Variants in ZBTB24 observed in about 807,000 individuals in gnomAD.
The protein encoded by ZBTB24 is zinc finger and BTB domain-containing protein 24.
In ZBTB24, 32 loss-of-function variants were observed where a neutral mutation model predicts 53.8. The ratio of observed to expected loss-of-function variants is 0.60; its 90% confidence interval spans 0.45 to 0.80. The LOEUF is 0.80. ZBTB24 is among the 30% of genes least tolerant of loss of function. ZBTB24 has a pLI of 0.00. For synonymous variants in ZBTB24, 297 were observed against 306.7 expected, an observed-to-expected ratio of 0.97 and a Z score of 0.33; for missense variants, 722 against 837.1, an observed-to-expected ratio of 0.86 and a Z score of 1.70.
intron 5 of ZBTB24, among the ~76,000 whole-genome samples, chr6:109,472,092 A>G (rs1176684803): frequency 6.6e-6 from 1 of 152,128 alleles, no homozygotes; most frequent in Non-Finnish European, 1.5e-5. Context: ...GCTCATCTCT[A>G]AGAGATGAAG....
chr6:109,474,306 C>T (rs866042688), intron 5 of ZBTB24, among the ~76,000 whole-genome samples: 8 of 152,258 alleles, frequency 5.3e-5, no homozygotes, highest in Middle Eastern at 3.4e-3. Context: ...GCTGCCTCCT[C>T]GTCATCTCTG....
At position 109,465,574 on chromosome 6, in the gene ZBTB24, C is replaced by A. The variant is rs929371578; in HGVS notation, c.*277G>T. 27 of 1,399,306 alleles carry A rather than the reference C, an allele frequency of 1.9e-5. No individual in the cohort carries two copies. Among genetic ancestry groups the A allele is most frequent in the Non-Finnish European group, 2.3e-5 (24 of 1,033,566 alleles). 86.7% of individuals were successfully genotyped at this position (1,399,306 alleles called of 1,614,324 possible). ...ACAGAAAAACTGAGATCAATGCCCC[C>A]AAAGAAAAACTACCCGAGTCTTTAT... On this transcript the variant is annotated 3_prime_UTR_variant, in exon 7 of 7. Transcript: ENST00000230122.
chr6:109,473,486 T>C (rs1004990914), intron 5 of ZBTB24, among the ~76,000 whole-genome samples: 1 of 152,214 alleles, frequency 6.6e-6, no homozygotes, highest in Non-Finnish European at 1.5e-5. Flanking sequence ...CCACCTCATC[T>C]GTGAGACCTT....
In ZBTB24 at chr6:109,481,694, A is replaced by G; in HGVS notation, c.333T>C (p.Ala111=). ...CATAGACTTTTAAGAACTGAGCAGT[A>G]GCCAGGATTTGTTCTGTACTTTTCT... ...ASEKSTEQIL[A]TAQFLKVYDL... is the part of the protein sequence containing the mutation. Residue 111 remains alanine (A), a synonymous_variant, in exon 2 of 7, where the codon GCT becomes GCC. Transcript: ENST00000230122. The G allele has an allele frequency of 1.2e-6, 2 of 1,614,256 alleles. No homozygotes were observed. The highest frequency in any genetic ancestry group is 4.5e-5 in the East Asian group (2 of 44,894).
rs1275220115 is a variant in ZBTB24, at chr6:109,481,131, C to G, written c.896G>C (p.Cys299Ser). Reference sequence around the variant, plus strand: ...GTGATTGTACTTAAAGACCTTGCCACAGTCTTTACAGCGGGCCTCAGGGCC... The same window carrying G: ...GTGATTGTACTTAAAGACCTTGCCAGAGTCTTTACAGCGGGCCTCAGGGCC... ...PGGPEARCKD[C>S]GKVFKYNHFL... The change falls in exon 2 of 7, where the codon TGT (cysteine) becomes TCT (serine). Residue 299 changes from cysteine to serine, a missense_variant. Coordinates refer to ENST00000230122, the MANE Select transcript of ZBTB24 (RefSeq NM_014797.3). The G allele has an allele frequency of 6.2e-7, 1 of 1,614,096 alleles. No individual in the cohort carries two copies. Among genetic ancestry groups the G allele is most frequent in the Non-Finnish European group, 8.5e-7 (1 of 1,180,044 alleles).
Position 109,476,876 on chromosome 6 carries a change from G to T in ZBTB24, c.1007C>A (p.Ser336Ter). The T allele has an allele frequency of 6.2e-7, 1 of 1,614,186 alleles. No homozygotes were observed. Among genetic ancestry groups the T allele is most frequent in the Non-Finnish European group, 8.5e-7 (1 of 1,180,046 alleles). The change falls in exon 3 of 7, where the codon TCG becomes TAG. Residue 336 changes from serine (S) to a stop codon, truncating the protein, a stop_gained. Transcript: ENST00000230122. LOFTEE classifies it high-confidence loss of function. ...GTGCATCCTGGTGTGGACCTGTAGC[G>T]AGTGCTTCTGGGCAAAGCCTTTTCC... ...ECGKGFAQKH[S>*]LQVHTRMHTG...
At chr6:109,474,552 A>G (rs527282723) in intron 5 of ZBTB24, among the ~76,000 whole-genome samples, 2 of 152,176 alleles carry the variant, frequency 1.3e-5, no homozygotes, top group South Asian at 2.1e-4. Context: ...CCAACATGGT[A>G]AAACCCCATC....
intron 3 of ZBTB24, 85 bp downstream of exon 3, chr6:109,476,678 G>T: frequency 6.5e-7 from 1 of 1,529,398 alleles, no homozygotes. Flanking sequence ...ATACTAGGCT[G>T]AGAAAACACC....
chr6:109,480,809 C>G (rs1057384496), intron 2 of ZBTB24: 9 of 464,742 alleles, frequency 1.9e-5, no homozygotes, highest in Admixed American at 6.4e-5. Flanking sequence ...TATTTAAGCT[C>G]CCTAGAACTT....
At chr6:109,472,377 T>C (rs1257457902) in intron 5 of ZBTB24, among the ~76,000 whole-genome samples, 3 of 152,244 alleles carry the variant, frequency 2.0e-5, no homozygotes, top group African/African-American at 7.2e-5. Flanking sequence ...CTTTCTGTTC[T>C]GCTTCTCAAA....
rs1008805831 is a variant in ZBTB24, at chr6:109,470,365, G to A, written c.1289-2631C>T. On this transcript the variant is annotated intron_variant, in intron 5 of 6. Coordinates refer to ENST00000230122, the MANE Select transcript of ZBTB24 (RefSeq NM_014797.3). ...AACGGAAGTACTGAAACAGCTCCAG[G>A]GTGTACTTCCAGATCCTCTTCTCAG... Among the ~76,000 whole-genome samples the A allele has an allele frequency of 5.9e-5, 9 of 152,070 alleles. 1 individual carries two copies. Among genetic ancestry groups the A allele is most frequent in the Admixed American group, 5.2e-4 (8 of 15,276 alleles).
At chr6:109,482,620 G>T (rs564236768) in intron 1 of ZBTB24, among the ~76,000 whole-genome samples, 1 of 151,318 alleles carries the variant, frequency 6.6e-6, no homozygotes, top group Non-Finnish European at 1.5e-5. Context: ...GCCTCCTGCC[G>T]CACATTAACT....
intron 2 of ZBTB24, among the ~76,000 whole-genome samples, chr6:109,479,726 C>T (rs544490116): frequency 6.6e-6 from 1 of 152,124 alleles, no homozygotes; most frequent in East Asian, 1.9e-4. Flanking sequence ...ACCAGCCTGA[C>T]CAACATGGTG....
intron 2 of ZBTB24, among the ~76,000 whole-genome samples, chr6:109,479,856 C>T (rs568853742): frequency 3.5e-3 from 423 of 119,790 alleles, no homozygotes; most frequent in African/African-American, 0.013. Flanking sequence ...GCGGAGGTTG[C>T]GGTGAGCCGA....
Position 109,481,504 on chromosome 6 carries a change from TCTC to T in ZBTB24, c.520_522del (p.Glu174del), listed in dbSNP as rs1179212014. 3 of 1,614,114 alleles carry T rather than the reference TCTC, an allele frequency of 1.9e-6. No homozygotes were observed. The African/African-American group carries it at 4.0e-5, about 22-fold the overall frequency. The stretch of plus-strand genomic sequence containing the variant: ...TCTTCCTCTGCAGCCAGTTCTGATT[TCTC>T]CTCCTGCAATGTATTGACTTTTTTT... On this transcript the variant is annotated inframe_deletion, in exon 2 of 7. Transcript: ENST00000230122.
chr6:109,466,174 T>G lies in ZBTB24; in HGVS notation c.1771A>C (p.Asn591His). The change falls in exon 7 of 7, where the codon AAT (asparagine) becomes CAT (histidine). Residue 591 changes from asparagine (N) to histidine (H), a missense_variant. Coordinates refer to ENST00000230122, the MANE Select transcript of ZBTB24 (RefSeq NM_014797.3). ...SQNMTADQAA[N>H]LTLLTQQPEQ... ...GGCTGCTGCGTGAGCAGGGTAAGAT[T>G]AGCAGCCTGGTCTGCAGTCATGTTT... The G allele has an allele frequency of 1.2e-6, 2 of 1,614,240 alleles. No individual in the cohort carries two copies. Among genetic ancestry groups the G allele is most frequent in the Non-Finnish European group, 1.7e-6 (2 of 1,180,038 alleles).
At position 109,466,016 on chromosome 6, in the gene ZBTB24, T is replaced by A. The variant is rs1430160692; in HGVS notation, c.1929A>T (p.Glu643Asp). 6.2e-7 allele frequency: 1 copy of A among 1,614,226 alleles called. No homozygotes were observed. The highest frequency in any genetic ancestry group is 1.7e-5 in the Admixed American group (1 of 60,028). Residue 643 changes from glutamate (E) to aspartate (D), a missense_variant, in exon 7 of 7, where the codon GAA becomes GAT. By Grantham distance (45) the Glu-to-Asp change is conservative. Coordinates refer to ENST00000230122, the MANE Select transcript of ZBTB24 (RefSeq NM_014797.3). ...EPVHVITLSKETLEHLHAHQE... is the reference protein window; with the variant it reads ...EPVHVITLSKDTLEHLHAHQE... ...GATGGGCATGAAGATGTTCCAGTGT[T>A]TCCTTGGACAGAGTGATCACGTGCA... is the stretch of plus-strand genomic sequence containing the variant.
chr6:109,476,608 T>C (rs909462710), intron 3 of ZBTB24, among the ~76,000 whole-genome samples, 155 bp downstream of exon 3: 3 of 152,226 alleles, frequency 2.0e-5, no homozygotes, highest in Non-Finnish European at 4.4e-5. Flanking sequence ...CGTGCAGAAC[T>C]CTAAACTGCA....
At chr6:109,474,921 T>C (rs1353455696) in intron 5 of ZBTB24, among the ~76,000 whole-genome samples, 1 of 151,398 alleles carries the variant, frequency 6.6e-6, no homozygotes, top group Non-Finnish European at 1.5e-5. Context: ...TTTGCACCTG[T>C]GGTCCCAGCT....
Sources: allele counts gnomAD v4.1 joint callset (sites outside exome capture counted in the v4.1 genomes callset), GRCh38; gene constraint gnomAD v4.1.1; transcripts MANE v1.5; gene names NCBI Gene and HGNC (gene_info 2026-07-23, HGNC 2026-07-21).